DNAH5: variants seen among roughly 807,000 people sequenced by gnomAD.
DNAH5 encodes the protein axonemal beta dynein heavy chain 5.
DNAH5 carries 372 observed loss-of-function variants against 518.2 expected under a neutral mutation model. The observed-to-expected ratio is 0.72, with a 90% CI of 0.66 to 0.78. The LOEUF is 0.78. Ranked by LOEUF, DNAH5 falls within the 30% of genes least tolerant of loss-of-function variation. The probability of loss-of-function intolerance (pLI) is 0.00; values close to 1 mark genes in which losing one functional copy is unlikely to be tolerated. For synonymous variants in DNAH5, 2,039 were observed against 2,025.9 expected (o/e 1.01, Z -0.17); for missense variants, 5,523 against 5,687.0 (o/e 0.97, Z 0.93).
chr5:13,721,036 GA>G lies in DNAH5; in HGVS notation c.12242del (p.Val4081AlafsTer32). ...TCTGCTGCAAGAGCTTCCGAGCATG[GA>G]CTTCCTGGCCCTGGCCCATGGACAC... is the stretch of plus-strand genomic sequence containing the variant. Reference protein sequence around the residue: ...RYVSMGQGQEVHARKLLQQTM... With the variant: ...RYVSMGQGQEXHARKLLQQTM... On this transcript the variant is annotated frameshift_variant, in exon 71 of 79. Transcript: ENST00000265104. LOFTEE classifies it high-confidence loss of function. 6.2e-7 allele frequency: 1 copy of G among 1,614,084 alleles called. No individual in the cohort carries two copies. Among genetic ancestry groups the G allele is most frequent in the Non-Finnish European group, 8.5e-7 (1 of 1,179,986 alleles).
rs147291113 is a variant in DNAH5 at position 13,843,115 on chromosome 5, G to A, written c.5272-1211C>T. ...ACCCACACATCCCATAAAACAACAA[G>A]AAACATTGATTTTTGAACCATTAAA... is the stretch of plus-strand genomic sequence containing the variant. On this transcript the variant is annotated intron_variant, in intron 32 of 78. Transcript: ENST00000265104. Among the ~76,000 whole-genome samples the A allele has an allele frequency of 5.2e-3, 789 of 152,200 alleles. 12 individuals are homozygous for A. The highest frequency in any genetic ancestry group is 0.018 in the African/African-American group (752 of 41,536).
chr5:13,993,712 G>A (rs1386457921), intron 1 of DNAH5, among the ~76,000 whole-genome samples: 1 of 152,212 alleles, frequency 6.6e-6, no homozygotes, highest in Non-Finnish European at 1.5e-5. Flanking sequence ...GGCTTCGTGG[G>A]TGGTTGTGGA....
At chr5:13,742,335 T>A (rs1266508225) in intron 65 of DNAH5, among the ~76,000 whole-genome samples, 2 of 151,404 alleles carry the variant, frequency 1.3e-5, no homozygotes, top group African/African-American at 4.9e-5. Context: ...ACCACTGCCC[T>A]ACTTGAGAAT....
chr5:13,913,639 T>C (rs1353225180), intron 11 of DNAH5, 104 bp downstream of exon 11: 3 of 1,363,664 alleles, frequency 2.2e-6, no homozygotes, highest in Non-Finnish European at 3.0e-6. Context: ...TATATTTTAC[T>C]TTACAGACTG....
Position 13,865,684 on chromosome 5 carries a change from A to G in DNAH5, c.4339T>C (p.Leu1447=), listed in dbSNP as rs775328007. The change falls in exon 27 of 79, where the codon TTA becomes CTA. Residue 1447 remains leucine, a synonymous_variant. Transcript: ENST00000265104. Reference sequence around the variant, plus strand: ...ATTTCTTACCTGTTCTGGAATTCTAAGAGTTCATTGTTAATTTTTTCAATA... The same window carrying G: ...ATTTCTTACCTGTTCTGGAATTCTAGGAGTTCATTGTTAATTTTTTCAATA... The part of the protein sequence containing the change: ...VNIEKINNEL[L]EFQNRCRKLP... The G allele has an allele frequency of 6.3e-7, 1 of 1,576,080 alleles. No individual in the cohort carries two copies. The highest frequency in any genetic ancestry group is 8.7e-7 in the Non-Finnish European group (1 of 1,145,478).
At chr5:13,759,050 C>G (rs963777470) in intron 60 of DNAH5, 67 bp from the exon 61 acceptor site, 3 of 1,592,884 alleles carry the variant, frequency 1.9e-6, no homozygotes, top group Admixed American at 3.4e-5. Context: ...ATTTCAGGGT[C>G]TGAGAACTCA....
intron 1 of DNAH5, among the ~76,000 whole-genome samples, chr5:13,942,115 C>G (rs1393831926): frequency 6.6e-6 from 1 of 151,966 alleles, no homozygotes; most frequent in Non-Finnish European, 1.5e-5. Context: ...TGCAAATGAG[C>G]GAATGAATAT....
rs182775236 is a variant in DNAH5 at position 13,796,534 on chromosome 5, C to T, written c.7888-2476G>A. Among the ~76,000 whole-genome samples, 13 of 152,122 alleles carry T rather than the reference C, an allele frequency of 8.5e-5. No individual in the cohort carries two copies. The East Asian group carries it at 9.6e-4, about 11-fold the overall frequency. ...CTTCAAGGAGAACTACAAACCACTG[C>T]GCCACGAAATAAAAGAGGACACGAA... On this transcript the variant is annotated intron_variant, in intron 47 of 78. Transcript: ENST00000265104.
chr5:13,982,181 T>C (rs1417753271), intron 1 of DNAH5, among the ~76,000 whole-genome samples: 1 of 152,282 alleles, frequency 6.6e-6, no homozygotes, highest in African/African-American at 2.4e-5. Context: ...TCTCTTATCG[T>C]ATGACAATAA....
chr5:13,886,749 A>T (rs1772498002), intron 17 of DNAH5, among the ~76,000 whole-genome samples: 1 of 152,224 alleles, frequency 6.6e-6, no homozygotes, highest in Non-Finnish European at 1.5e-5. Flanking sequence ...AAGTTCCAGC[A>T]TTATACATCT....
At chr5:13,902,194 C>G in intron 12 of DNAH5, 56 bp from the exon 13 acceptor site, 1 of 1,314,368 alleles carries the variant, frequency 7.6e-7, no homozygotes. Context: ...TACTGTTTAG[C>G]AACAAGATAA....
chr5:13,719,196 T>C, intron 71 of DNAH5, 95 bp from the exon 72 acceptor site: 1 of 1,003,686 alleles, frequency 1.0e-6, no homozygotes, highest in Non-Finnish European at 1.5e-6. Flanking sequence ...TAAAATTTAA[T>C]AGGAAAACAC....
At chr5:13,872,466 G>C (rs572369711) in intron 22 of DNAH5, among the ~76,000 whole-genome samples, 1 of 152,216 alleles carries the variant, frequency 6.6e-6, no homozygotes, top group East Asian at 1.9e-4. Flanking sequence ...AATCTTCATA[G>C]AGACCCCAGA....
intron 38 of DNAH5, among the ~76,000 whole-genome samples, chr5:13,824,721 C>T (rs1234825633): frequency 6.6e-6 from 1 of 152,158 alleles, no homozygotes; most frequent in Non-Finnish European, 1.5e-5. Context: ...GGACTGCACT[C>T]ATGACTGTCA....
intron 69 of DNAH5, among the ~76,000 whole-genome samples, chr5:13,728,346 A>G (rs1746035836): frequency 6.6e-6 from 1 of 152,218 alleles, no homozygotes; most frequent in Non-Finnish European, 1.5e-5. Context: ...ATCTTATGTT[A>G]TCTGGTATAT....
At chr5:13,800,872 T>A (rs779839982) in intron 47 of DNAH5, among the ~76,000 whole-genome samples, 10 of 152,162 alleles carry the variant, frequency 6.6e-5, no homozygotes, top group Non-Finnish European at 1.5e-4. Context: ...ATATGTTCGC[T>A]TATTAGATTA....
chr5:13,862,815 C>A, intron 28 of DNAH5, 68 bp from the exon 29 acceptor site: 3 of 1,014,190 alleles, frequency 3.0e-6, no homozygotes, highest in Non-Finnish European at 1.4e-6. Flanking sequence ...AGTCTACGTG[C>A]AATACCCCAT....
intron 54 of DNAH5, among the ~76,000 whole-genome samples, 182 bp downstream of exon 54, chr5:13,777,019 CA>C (rs1360945066): frequency 1.2e-4 from 18 of 152,078 alleles, no homozygotes; most frequent in Non-Finnish European, 2.5e-4. Flanking sequence ...TGCTTAGCTC[CA>C]AATTTTGATG....
intron 1 of DNAH5, among the ~76,000 whole-genome samples, chr5:13,941,391 C>G (rs1779447281): frequency 6.6e-6 from 1 of 152,178 alleles, no homozygotes; most frequent in African/African-American, 2.4e-5. Flanking sequence ...TAGACAGTAC[C>G]TCTCTCTTCC....
Sources: gnomAD v4.1 joint callset for allele counts (sites outside exome capture counted in the v4.1 genomes callset) on GRCh38, gnomAD v4.1.1 for gene constraint, MANE v1.5 for transcripts, NCBI Gene and HGNC (gene_info 2026-07-23, HGNC 2026-07-21) for gene names.